MUC3A: variants seen among roughly 807,000 people sequenced by gnomAD.
MUC3A encodes the protein mucin 3A, cell surface associated.
MUC3A carries 109 observed loss-of-function variants against 109.0 expected under a neutral mutation model. The observed-to-expected ratio is 1.00, with a 90% confidence interval of 0.86 to 1.17. The LOEUF (loss-of-function observed/expected upper bound fraction) is 1.17. MUC3A is among the 50% of genes most tolerant of loss of function. MUC3A has a pLI of 0.00. For synonymous variants in MUC3A, 1,398 were observed against 981.4 expected (o/e 1.42, Z -7.93); for missense variants, 3,537 against 2,469.4 (o/e 1.43, Z -9.16).
Position 100,959,328 on chromosome 7 carries a change from A to C in MUC3A, c.7549A>C (p.Ser2517Arg). Residue 2517 changes from serine to arginine, a missense_variant, in exon 2 of 12, where the codon AGT becomes CGT. Physicochemically the swap from Ser to Arg is moderately radical, Grantham distance 110. Transcript: ENST00000379458. ...TDFPSIPTDI[S>R]TLPTRTHIIS... is the part of the protein sequence containing the mutation. ...CTTTCCCTCTATACCCACTGATATC[A>C]GTACCTTACCAACTCGAACACACAT... is the stretch of plus-strand genomic sequence containing the variant. 1.9e-6 allele frequency: 3 copies of C among 1,563,020 alleles called. No homozygotes were observed. Among genetic ancestry groups the C allele is most frequent in the Non-Finnish European group, 2.6e-6 (3 of 1,162,112 alleles).
intron 11 of MUC3A, 36 bp from the exon 12 acceptor site, chr7:100,967,085 G>A: frequency 1.3e-6 from 2 of 1,598,524 alleles, no homozygotes; most frequent in Non-Finnish European, 1.7e-6. Flanking sequence ...CAAACCAGTG[G>A]CTCCGCGTTC....
chr7:100,957,804 T>G lies in MUC3A; in HGVS notation c.6025T>G (p.Phe2009Val). The stretch of plus-strand genomic sequence containing the variant: ...CACCACCTCACACAGTACTCCCAGC[T>G]TCACTTCTTCCATCACCACCACTGA... ...TTTTSHSTPSFTSSITTTETT... is the reference protein window; with the variant it reads ...TTTTSHSTPSVTSSITTTETT... The change falls in exon 2 of 12, where the codon TTC (phenylalanine) becomes GTC (valine). Residue 2009 changes from phenylalanine (F) to valine (V), a missense_variant. Physicochemically the swap from Phe to Val is conservative, Grantham distance 50 (BLOSUM62 -1). Transcript: ENST00000379458. 1 of 1,032,836 alleles carries G rather than the reference T, an allele frequency of 9.7e-7. No individual in the cohort carries two copies. Among genetic ancestry groups the G allele is most frequent in the East Asian group, 2.4e-5 (1 of 42,304 alleles). 64.0% of individuals were successfully genotyped at this position (1,032,836 alleles called of 1,614,324 possible).
At position 100,952,755 on chromosome 7, in the gene MUC3A, A is replaced by T. The variant is rs759956700; in HGVS notation, c.976A>T (p.Ser326Cys). 2.1e-5 allele frequency: 32 copies of T among 1,505,088 alleles called. No individual in the cohort carries two copies. Among genetic ancestry groups the T allele is most frequent in the African/African-American group, 4.3e-5 (3 of 70,024 alleles). 93.2% of individuals were successfully genotyped at this position (1,505,088 alleles called of 1,614,324 possible). A position where few individuals can be genotyped will look rare whatever the true frequency, so the allele number is the denominator to read the frequency against. ...GGTGACCACACTCCCCACTACCATC[A>T]GCAGGTCTACACCTACATCTGAGAC... Reference protein sequence around the residue: ...TLVTTLPTTISRSTPTSETTY... With the variant: ...TLVTTLPTTICRSTPTSETTY... Residue 326 changes from serine (S) to cysteine (C), a missense_variant, in exon 2 of 12, where the codon AGC becomes TGC. Coordinates refer to ENST00000379458, the MANE Select transcript of MUC3A (RefSeq NM_005960.2).
rs752255204 is a variant in MUC3A, at chr7:100,959,355, A to G, written c.7576A>G (p.Ile2526Val). 1.3e-6 allele frequency: 2 copies of G among 1,541,354 alleles called. No individual in the cohort carries two copies. Among genetic ancestry groups the G allele is most frequent in the East Asian group, 2.2e-5 (1 of 44,524 alleles). Residue 2526 changes from isoleucine (I) to valine (V), a missense_variant, in exon 2 of 12, where the codon ATT becomes GTT. By Grantham distance (29) the Ile-to-Val change is conservative. Transcript: ENST00000379458. ...TACCTTACCAACTCGAACACACATCATTTCATCTTCTCCCTCCATCCAAAG... is the reference window on the plus strand; with the variant it reads ...TACCTTACCAACTCGAACACACATCGTTTCATCTTCTCCCTCCATCCAAAG... The part of the protein sequence containing the change: ...ISTLPTRTHI[I>V]SSSPSIQSTE...
rs1477345363 is a variant in MUC3A, at chr7:100,964,931, C to A, written c.9382+88C>A. The A allele has an allele frequency of 1.0e-5, 15 of 1,487,894 alleles. No individual in the cohort carries two copies. In the African/African-American group the frequency reaches 1.5e-4, roughly 15 times the overall value. The allele number at this position is 1,487,894 out of a possible 1,614,324, so 92.2% of individuals were successfully genotyped here. ...GCCAGGGGGCCACTGGGCTCAGGTG[C>A]CAGCCCTGTGGTACCTCTGGCAGGT... On this transcript the variant is annotated intron_variant, in intron 6 of 11. Coordinates refer to ENST00000379458, the MANE Select transcript of MUC3A (RefSeq NM_005960.2).
Position 100,959,829 on chromosome 7 carries a change from T to C in MUC3A, c.8050T>C (p.Ser2684Pro). 1 of 1,580,038 alleles carries C rather than the reference T, an allele frequency of 6.3e-7. No individual in the cohort carries two copies. Among genetic ancestry groups the C allele is most frequent in the East Asian group, 2.2e-5 (1 of 44,858 alleles). ...LTSFSTIIWS[S>P]TPTIIMSSSP... is the part of the protein sequence containing the mutation. ...TTCTTTTAGTACCATCATCTGGTCC[T>C]CAACACCCACTATTATCATGTCCTC... Residue 2684 changes from serine to proline, a missense_variant, in exon 2 of 12, where the codon TCA becomes CCA. Physicochemically the swap from Ser to Pro is moderately conservative, Grantham distance 74 (BLOSUM62 -1). Coordinates refer to ENST00000379458, the MANE Select transcript of MUC3A (RefSeq NM_005960.2).
rs1792089310 is a variant in MUC3A, at chr7:100,956,101, C to G, written c.4322C>G (p.Pro1441Arg). The G allele has an allele frequency of 4.6e-6, 2 of 438,076 alleles. No homozygotes were observed. The highest frequency in any genetic ancestry group is 7.3e-5 in the South Asian group (1 of 13,708). 27.1% of individuals were successfully genotyped at this position (438,076 alleles called of 1,614,324 possible). A position where few individuals can be genotyped will look rare whatever the true frequency, so the allele number is the denominator to read the frequency against. Residue 1441 changes from proline (P) to arginine (R), a missense_variant, in exon 2 of 12, where the codon CCT (proline) becomes CGT (arginine). By Grantham distance (103) the Pro-to-Arg change is moderately radical (BLOSUM62 -2). Coordinates refer to ENST00000379458, the MANE Select transcript of MUC3A (RefSeq NM_005960.2). ...ACCAGTCATACCACAAACACCAATC[C>G]TGTATCCACGTTGGTGACTACACTC... ...VTTSHTTNTNPVSTLVTTLPI... is the reference protein window; with the variant it reads ...VTTSHTTNTNRVSTLVTTLPI...
At position 100,952,255 on chromosome 7, in the gene MUC3A, C is replaced by T. The variant is rs780119659; in HGVS notation, c.476C>T (p.Ser159Leu). Reference sequence around the variant, plus strand: ...GTGGCCTTCACCAGCTCTTACACCTCGACTCCCGTGACACAGAAGCCAGTG... The same window carrying T: ...GTGGCCTTCACCAGCTCTTACACCTTGACTCCCGTGACACAGAAGCCAGTG... Reference protein sequence around the residue: ...TQVAFTSSYTSTPVTQKPVTT... With the variant: ...TQVAFTSSYTLTPVTQKPVTT... The change falls in exon 2 of 12, where the codon TCG becomes TTG. Residue 159 changes from serine to leucine, a missense_variant. Ser to Leu is a moderately radical substitution (Grantham distance 145). Transcript: ENST00000379458. 93 of 1,598,494 alleles carry T rather than the reference C, an allele frequency of 5.8e-5. No homozygotes were observed. In the South Asian group the frequency reaches 8.6e-4, roughly 15 times the overall value.
Position 100,967,757 on chromosome 7 carries a change from G to T in MUC3A, c.*595G>T. The T allele has an allele frequency of 5.4e-6, 1 of 185,362 alleles. No homozygotes were observed. The highest frequency in any genetic ancestry group is 1.1e-4 in the South Asian group (1 of 8,742). 11.5% of individuals were successfully genotyped at this position (185,362 alleles called of 1,614,324 possible). A position where few individuals can be genotyped will look rare whatever the true frequency, so the allele number is the denominator to read the frequency against. The stretch of plus-strand genomic sequence containing the variant: ...TTGACCCCGTTCCTTCATCCATCCT[G>T]CACCCCAGTCCCCCAGCCCTAAATC... On this transcript the variant is annotated 3_prime_UTR_variant, in exon 12 of 12. Coordinates refer to ENST00000379458, the MANE Select transcript of MUC3A (RefSeq NM_005960.2).
chr7:100,963,854 GA>G (rs1792427333), intron 5 of MUC3A, 102 bp downstream of exon 5: 5 of 1,493,268 alleles, frequency 3.3e-6, no homozygotes, highest in African/African-American at 1.4e-5. Context: ...ATTTTATAAA[GA>G]GGGGTGGAGG....
In MUC3A at chr7:100,963,249, A is replaced by C; in HGVS notation, c.9151A>C (p.Lys3051Gln). The C allele has an allele frequency of 6.3e-7, 1 of 1,597,864 alleles. No homozygotes were observed. Residue 3051 changes from lysine (K) to glutamine (Q), a missense_variant, in exon 4 of 12, where the codon AAG becomes CAG. Lys to Gln is a moderately conservative substitution (Grantham distance 53). Coordinates refer to ENST00000379458, the MANE Select transcript of MUC3A (RefSeq NM_005960.2). ...TTCCCAGGCCTACAGGGATTTCAACAAGACCTTCTGGAATCAGGTAAAGGG... is the reference window on the plus strand; with the variant it reads ...TTCCCAGGCCTACAGGGATTTCAACCAGACCTTCTGGAATCAGGTAAAGGG... ...NTSQAYRDFN[K>Q]TFWNQMQKIF...
rs1176349678 is a variant in MUC3A at position 100,957,063 on chromosome 7, C to A, written c.5284C>A (p.Pro1762Thr). ...CAAAACAGCCGTGAGTTCTACTCCC[C>A]CCATCACTTCTTCAATCACCTCCAC... ...SFKTAVSSTPPITSSITSTYT... is the reference protein window; with the variant it reads ...SFKTAVSSTPTITSSITSTYT... The change falls in exon 2 of 12, where the codon CCC (proline) becomes ACC (threonine). Residue 1762 changes from proline to threonine, a missense_variant. Pro to Thr is a conservative substitution (Grantham distance 38). Coordinates refer to ENST00000379458, the MANE Select transcript of MUC3A (RefSeq NM_005960.2). 6.4e-6 allele frequency: 3 copies of A among 469,198 alleles called. No individual in the cohort carries two copies. Among genetic ancestry groups the A allele is most frequent in the Non-Finnish European group, 1.1e-5 (3 of 267,000 alleles). The allele number at this position is 469,198 out of a possible 1,614,324, so 29.1% of individuals were successfully genotyped here. A position where few individuals can be genotyped will look rare whatever the true frequency, so the allele number is the denominator to read the frequency against.
Position 100,966,964 on chromosome 7 carries a change from A to C in MUC3A, c.9930+13A>C. Reference sequence around the variant, plus strand: ...CACCACTATGAAGGTGAGGGGCTAAAGAGGGGGACCCCAAGGAACTCTCCC... The same window carrying C: ...CACCACTATGAAGGTGAGGGGCTAACGAGGGGGACCCCAAGGAACTCTCCC... On this transcript the variant is annotated intron_variant, in intron 11 of 11. Transcript: ENST00000379458. 2 of 1,598,552 alleles carry C rather than the reference A, an allele frequency of 1.3e-6. No individual in the cohort carries two copies. The highest frequency in any genetic ancestry group is 1.7e-6 in the Non-Finnish European group (2 of 1,179,832).
In MUC3A at chr7:100,960,394, G is replaced by C; in HGVS notation, c.8615G>C (p.Trp2872Ser). The C allele has an allele frequency of 6.3e-7, 1 of 1,598,542 alleles. No homozygotes were observed. Among genetic ancestry groups the C allele is most frequent in the Non-Finnish European group, 8.5e-7 (1 of 1,179,830 alleles). Reference protein sequence around the residue: ...TSTRLPTSETWLSNSSVIPLP... With the variant: ...TSTRLPTSETSLSNSSVIPLP... Reference sequence around the variant, plus strand: ...ACTCGACTGCCCACCAGTGAGACCTGGCTGAGCAACAGTTCTGTGATCCCC... The same window carrying C: ...ACTCGACTGCCCACCAGTGAGACCTCGCTGAGCAACAGTTCTGTGATCCCC... Residue 2872 changes from tryptophan (W) to serine (S), a missense_variant, in exon 2 of 12, where the codon TGG becomes TCG. Transcript: ENST00000379458.
At position 100,952,156 on chromosome 7, in the gene MUC3A, C is replaced by A. The variant is rs755539310; in HGVS notation, c.377C>A (p.Thr126Asn). The change falls in exon 2 of 12, where the codon ACT becomes AAT. Residue 126 changes from threonine to asparagine, a missense_variant. Physicochemically the swap from Thr to Asn is moderately conservative, Grantham distance 65. Coordinates refer to ENST00000379458, the MANE Select transcript of MUC3A (RefSeq NM_005960.2). ...PPTVLVYSAT[T>N]ECVYPTSFII... is the part of the protein sequence containing the mutation. ...ACCGTGTTGGTCTATTCAGCCACCA[C>A]TGAGTGCGTGTATCCAACGAGCTTT... The A allele has an allele frequency of 1.3e-6, 2 of 1,598,518 alleles. No individual in the cohort carries two copies. The highest frequency in any genetic ancestry group is 1.7e-6 in the Non-Finnish European group (2 of 1,179,740).
At chr7:100,962,835 T>TCAGACAATGCTTTCTCCCTTTC (rs1584809605) in intron 3 of MUC3A, among the ~76,000 whole-genome samples, 60 of 6,054 alleles carry the variant, frequency 9.9e-3, no homozygotes, top group East Asian at 0.037. Context: ...CTTTCTTTCT[T>TCAGACAATGCTTTCTCCCTTTC]TTTCTCTCTC....
intron 3 of MUC3A, among the ~76,000 whole-genome samples, chr7:100,962,674 TTTTC>T (rs1237848835): frequency 1.4e-5 from 2 of 144,154 alleles, no homozygotes; most frequent in Non-Finnish European, 1.6e-5. Context: ...TCTTTTCTTT[TTTTC>T]TTTCTCTTTT....
chr7:100,958,107 T>C lies in MUC3A; in HGVS notation c.6328T>C (p.Phe2110Leu), dbSNP rs1261236483. 8 of 891,978 alleles carry C rather than the reference T, an allele frequency of 9.0e-6. No individual in the cohort carries two copies. The African/African-American group carries it at 3.4e-4, about 38-fold the overall frequency. The allele number at this position is 891,978 out of a possible 1,614,324, so 55.3% of individuals were successfully genotyped here. A position where few individuals can be genotyped will look rare whatever the true frequency, so the allele number is the denominator to read the frequency against. Residue 2110 changes from phenylalanine (F) to leucine (L), a missense_variant, in exon 2 of 12, where the codon TTC becomes CTC. Physicochemically the swap from Phe to Leu is conservative, Grantham distance 22 (BLOSUM62 0). Transcript: ENST00000379458. ...TETTSHSTPS[F>L]TSSITTSEMP... Reference sequence around the variant, plus strand: ...GACCACCTCACACAGTACTCCCAGCTTCACTTCCTCAATCACCACCTCTGA... The same window carrying C: ...GACCACCTCACACAGTACTCCCAGCCTCACTTCCTCAATCACCACCTCTGA...
At chr7:100,963,495 C>T (rs1216557358) in intron 4 of MUC3A, among the ~76,000 whole-genome samples, 193 bp from the exon 5 acceptor site, 1 of 152,312 alleles carries the variant, frequency 6.6e-6, no homozygotes, top group Non-Finnish European at 1.5e-5. Context: ...CTATGTTGGC[C>T]AGACTGGTCT....
Sources: gnomAD v4.1 joint callset for allele counts (sites outside exome capture counted in the v4.1 genomes callset) on GRCh38, gnomAD v4.1.1 for gene constraint, MANE v1.5 for transcripts, NCBI Gene and HGNC (gene_info 2026-07-23, HGNC 2026-07-21) for gene names.